The following PEX1 variants were observed in gnomAD, a reference collection of about 807,000 sequenced individuals.
PEX1 encodes the protein peroxisomal biogenesis factor 1.
In PEX1, 97 loss-of-function variants were observed where a neutral mutation model predicts 152.5. The observed-to-expected ratio is 0.64, with a 90% CI of 0.54 to 0.75. The LOEUF (loss-of-function observed/expected upper bound fraction) is 0.75. PEX1 is among the 30% of genes least tolerant of loss of function. The pLI, the probability that PEX1 is intolerant of heterozygous loss-of-function variation, is 0.00. For synonymous variants in PEX1, 485 were observed against 531.6 expected (o/e 0.91, Z 1.21); for missense variants, 1,357 against 1,516.3 (o/e 0.89, Z 1.74).
chr7:92,513,791 A>G, intron 6 of PEX1, 57 bp downstream of exon 6: 1 of 1,323,552 alleles, frequency 7.6e-7, no homozygotes, highest in East Asian at 2.3e-5. Flanking sequence ...TAAAGCAACT[A>G]GAAATCTTAC....
intron 21 of PEX1, among the ~76,000 whole-genome samples, chr7:92,490,501 G>A (rs1791237399): frequency 6.6e-6 from 1 of 151,940 alleles, no homozygotes. Context: ...TGGGCATGGT[G>A]GCATGTGCCT....
At chr7:92,515,822 C>T (rs902211771) in intron 5 of PEX1, among the ~76,000 whole-genome samples, 2 of 150,518 alleles carry the variant, frequency 1.3e-5, no homozygotes, top group Non-Finnish European at 3.0e-5. Flanking sequence ...GGTGAAACCT[C>T]GTCCCTACTA....
At position 92,513,945 on chromosome 7, in the gene PEX1, C is replaced by A. The variant is rs1792602069; in HGVS notation, c.1262G>T (p.Arg421Ile). 2 of 1,580,340 alleles carry A rather than the reference C, an allele frequency of 1.3e-6. No individual in the cohort carries two copies. Among genetic ancestry groups the A allele is most frequent in the African/African-American group, 1.3e-5 (1 of 74,256 alleles). The change falls in exon 6 of 24, where the codon AGA becomes ATA. Residue 421 changes from arginine (R) to isoleucine (I), a missense_variant. By Grantham distance (97) the Arg-to-Ile change is moderately conservative. Transcript: ENST00000248633. ...KVWIPDDLRK[R>I]LNIEMHAVVR... ...TACGGCATGCATTTCTATATTTAGT[C>A]TCTTCCTCAGGTCATCTGGAATCTG... is the stretch of plus-strand genomic sequence containing the variant.
intron 2 of PEX1, among the ~76,000 whole-genome samples, chr7:92,521,572 T>C (rs1211600484): frequency 2.0e-5 from 3 of 151,838 alleles, no homozygotes; most frequent in Non-Finnish European, 4.4e-5. Flanking sequence ...GTAGCTGGGA[T>C]TACAGGCACC....
rs1173172739 is a variant in PEX1, at chr7:92,489,382, T to A, written c.3678A>T (p.Arg1226Ser). Residue 1226 changes from arginine to serine, a missense_variant, in exon 23 of 24, where the codon AGA (arginine) becomes AGT (serine). By Grantham distance (110) the Arg-to-Ser change is moderately radical. Coordinates refer to ENST00000248633, the MANE Select transcript of PEX1 (RefSeq NM_000466.3). ...SMNQPGPIKT[R>S]LAISQSHLMT... ...TTAAATGTGACTGACTAATAGCCAG[T>A]CTGGTTTTGATTGGTCCTGGTTGGT... The A allele has an allele frequency of 5.0e-6, 8 of 1,612,608 alleles. No individual in the cohort carries two copies. Among genetic ancestry groups the A allele is most frequent in the Non-Finnish European group, 6.8e-6 (8 of 1,178,836 alleles).
chr7:92,514,341 C>T lies in PEX1; in HGVS notation c.1240-374G>A, dbSNP rs1792622349. ...AACATTCAAATACCAACGGTGTGAC[C>T]AGATGGATGTTCAGATATTGTTATA... On this transcript the variant is annotated intron_variant, in intron 5 of 23. Coordinates refer to ENST00000248633, the MANE Select transcript of PEX1 (RefSeq NM_000466.3). Among the ~76,000 whole-genome samples the T allele has an allele frequency of 2.0e-5, 3 of 152,108 alleles. No individual in the cohort carries two copies. The South Asian group carries it at 6.2e-4, about 32-fold the overall frequency.
rs1017163382 is a variant in PEX1, at chr7:92,522,330, A to G, written c.130-85T>C. 3.0e-6 allele frequency: 4 copies of G among 1,333,572 alleles called. No individual in the cohort carries two copies. The African/African-American group carries it at 5.8e-5, about 19-fold the overall frequency. 82.6% of individuals were successfully genotyped at this position (1,333,572 alleles called of 1,614,324 possible). A position where few individuals can be genotyped will look rare whatever the true frequency, so the allele number is the denominator to read the frequency against. ...TGAAAATAAACTATTATTACAATTCACATGTCCAAAAAGAGTTCTATAGAT... is the reference window on the plus strand; with the variant it reads ...TGAAAATAAACTATTATTACAATTCGCATGTCCAAAAAGAGTTCTATAGAT... On this transcript the variant is annotated intron_variant, in intron 1 of 23. Transcript: ENST00000248633.
At chr7:92,521,903 G>A (rs1376500247) in intron 2 of PEX1, among the ~76,000 whole-genome samples, 199 bp downstream of exon 2, 7 of 152,146 alleles carry the variant, frequency 4.6e-5, no homozygotes, top group Non-Finnish European at 8.8e-5. Flanking sequence ...TAAGAAGCAA[G>A]TAGGGAGTAT....
intron 1 of PEX1, among the ~76,000 whole-genome samples, chr7:92,524,068 ATCAAAT>A (rs1283043592): frequency 6.6e-6 from 1 of 152,124 alleles, no homozygotes; most frequent in African/African-American, 2.4e-5. Context: ...AATATTAAAT[ATCAAAT>A]TCATTCATTT....
chr7:92,518,162 T>C lies in PEX1; in HGVS notation c.451A>G (p.Thr151Ala). 2 of 1,612,760 alleles carry C rather than the reference T, an allele frequency of 1.2e-6. No homozygotes were observed. The highest frequency in any genetic ancestry group is 1.7e-6 in the Non-Finnish European group (2 of 1,178,756). Residue 151 changes from threonine to alanine, a missense_variant, in exon 4 of 24, where the codon ACG becomes GCG. By Grantham distance (58) the Thr-to-Ala change is moderately conservative. Transcript: ENST00000248633. ...AIFPVWVDQQTYIFIQIVALI... is the reference protein window; with the variant it reads ...AIFPVWVDQQAYIFIQIVALI... Reference sequence around the variant, plus strand: ...CTACCAATTTGGATAAATATGTACGTTTGTTGATCAACCCAAACAGGAAAA... The same window carrying C: ...CTACCAATTTGGATAAATATGTACGCTTGTTGATCAACCCAAACAGGAAAA...
intron 22 of PEX1, 23 bp downstream of exon 22, chr7:92,489,691 T>A (rs1490614219): frequency 6.3e-7 from 1 of 1,599,488 alleles, no homozygotes; most frequent in South Asian, 1.1e-5. Flanking sequence ...TTAACAATTA[T>A]AATGAGGGGG....
chr7:92,501,965 C>G lies in PEX1; in HGVS notation c.2341G>C (p.Ala781Pro), dbSNP rs761983391. ...TCCACAAGTACTGTAAAATCTCTAGCCACAAACCCGCCAGTTTCTTTAGCT... is the reference window on the plus strand; with the variant it reads ...TCCACAAGTACTGTAAAATCTCTAGGCACAAACCCGCCAGTTTCTTTAGCT... ...HVAKETGGFV[A>P]RDFTVLVDRA... The change falls in exon 14 of 24, where the codon GCT becomes CCT. Residue 781 changes from alanine to proline, a missense_variant. Physicochemically the swap from Ala to Pro is conservative, Grantham distance 27. Transcript: ENST00000248633. 6.2e-7 allele frequency: 1 copy of G among 1,613,930 alleles called. No individual in the cohort carries two copies. The highest frequency in any genetic ancestry group is 1.1e-5 in the South Asian group (1 of 91,072).
At position 92,503,069 on chromosome 7, in the gene PEX1, C is replaced by T. The variant is rs1442301270; in HGVS notation, c.2198G>A (p.Cys733Tyr). The change falls in exon 13 of 24, where the codon TGC becomes TAC. Residue 733 changes from cysteine (C) to tyrosine (Y), a missense_variant. Physicochemically the swap from Cys to Tyr is radical, Grantham distance 194. Coordinates refer to ENST00000248633, the MANE Select transcript of PEX1 (RefSeq NM_000466.3). ...VSAQGVHIFQ[C>Y]VQHIQPPNQE... ...ATTAGGAGGCTGAATGTGTTGGACG[C>T]ACTGAAATATGTGAACTCCTTGAGC... 1.9e-6 allele frequency: 3 copies of T among 1,613,594 alleles called. No individual in the cohort carries two copies. Among genetic ancestry groups the T allele is most frequent in the Non-Finnish European group, 2.5e-6 (3 of 1,179,690 alleles).
chr7:92,513,940 T>G lies in PEX1; in HGVS notation c.1267A>C (p.Asn423His). 1 of 1,584,194 alleles carries G rather than the reference T, an allele frequency of 6.3e-7. No homozygotes were observed. The highest frequency in any genetic ancestry group is 8.7e-7 in the Non-Finnish European group (1 of 1,154,316). Residue 423 changes from asparagine to histidine, a missense_variant, in exon 6 of 24, where the codon AAT becomes CAT. Transcript: ENST00000248633. The stretch of plus-strand genomic sequence containing the variant: ...CTGACTACGGCATGCATTTCTATAT[T>G]TAGTCTCTTCCTCAGGTCATCTGGA... Reference protein sequence around the residue: ...WIPDDLRKRLNIEMHAVVRIT... With the variant: ...WIPDDLRKRLHIEMHAVVRIT...
At chr7:92,488,753 A>G (rs929937957) in intron 23 of PEX1, among the ~76,000 whole-genome samples, 2 of 145,246 alleles carry the variant, frequency 1.4e-5, no homozygotes, top group Admixed American at 1.4e-4. Flanking sequence ...TTTTTGAGAC[A>G]CAGTCTCGCT....
intron 9 of PEX1, among the ~76,000 whole-genome samples, chr7:92,508,149 A>G (rs1173766787): frequency 2.0e-5 from 3 of 151,926 alleles, no homozygotes; most frequent in Non-Finnish European, 4.4e-5. Flanking sequence ...AACATTACCT[A>G]TGAAATCCAG....
chr7:92,500,277 T>C (rs1791864554), intron 15 of PEX1, among the ~76,000 whole-genome samples: 1 of 152,226 alleles, frequency 6.6e-6, no homozygotes, highest in African/African-American at 2.4e-5. Context: ...AATCGACTGC[T>C]TCTCAAGTTA....
chr7:92,491,294 C>T lies in PEX1; in HGVS notation c.3416G>A (p.Gly1139Glu), dbSNP rs750447182. The T allele has an allele frequency of 2.0e-4, 330 of 1,610,590 alleles. No individual in the cohort carries two copies. Among genetic ancestry groups the T allele is most frequent in the Non-Finnish European group, 2.7e-4 (317 of 1,176,966 alleles). Residue 1139 changes from glycine (G) to glutamate (E), a missense_variant, in exon 21 of 24, where the codon GGA (glycine) becomes GAA (glutamate). By Grantham distance (98) the Gly-to-Glu change is moderately conservative (BLOSUM62 -2). Coordinates refer to ENST00000248633, the MANE Select transcript of PEX1 (RefSeq NM_000466.3). ...TACCAAATCAGAAGAGGTTCCATTT[C>T]CAAGTTCTGATTCATAAGAGCTTCC... is the stretch of plus-strand genomic sequence containing the variant. Reference protein sequence around the residue: ...YFGSSYESELGNGTSSDLSSQ... With the variant: ...YFGSSYESELENGTSSDLSSQ...
At chr7:92,515,501 G>A (rs1470538435) in intron 5 of PEX1, among the ~76,000 whole-genome samples, 1 of 152,022 alleles carries the variant, frequency 6.6e-6, no homozygotes, top group East Asian at 1.9e-4. Context: ...GAGTGGGAAG[G>A]GCGGAGTCCT....
Sources: gnomAD v4.1 joint callset for allele counts (sites outside exome capture counted in the v4.1 genomes callset) on GRCh38, gnomAD v4.1.1 for gene constraint, MANE v1.5 for transcripts, NCBI Gene and HGNC (gene_info 2026-07-23, HGNC 2026-07-21) for gene names.